The following EFCAB13 variants were observed in gnomAD, a reference collection of about 807,000 sequenced individuals.
The protein encoded by EFCAB13 is EF-hand calcium-binding domain-containing protein 13.
Under a neutral mutation model 110.2 loss-of-function variants are expected in EFCAB13, and 91 were observed. The observed-to-expected ratio is 0.83, with a 90% CI of 0.70 to 0.98. The LOEUF is 0.98. Ranked by LOEUF, EFCAB13 falls within the 50% of genes least tolerant of loss-of-function variation. The pLI is 0.00. For missense variants in EFCAB13, 968 were observed against 1,119.4 expected (o/e 0.86, Z 1.93); for synonymous variants, 323 against 369.9 (o/e 0.87, Z 1.45).
chr17:47,438,367 C>T (rs1226671803), intron 24 of EFCAB13, among the ~76,000 whole-genome samples: 5 of 152,140 alleles, frequency 3.3e-5, no homozygotes, highest in South Asian at 2.1e-4. Context: ...AAGTTTTCCT[C>T]GATTATTCCC....
intron 24 of EFCAB13, among the ~76,000 whole-genome samples, chr17:47,440,098 G>A (rs1410021489): frequency 6.6e-6 from 1 of 151,996 alleles, no homozygotes; most frequent in Non-Finnish European, 1.5e-5. Flanking sequence ...AGGGTTTTAT[G>A]CATGGGAATA....
intron 10 of EFCAB13, among the ~76,000 whole-genome samples, chr17:47,365,161 T>A (rs1185975341): frequency 6.6e-6 from 1 of 152,226 alleles, no homozygotes; most frequent in Non-Finnish European, 1.5e-5. Context: ...GAGCATCAGG[T>A]GAGCAGATAT....
At chr17:47,357,526 T>C (rs1289559717) in intron 9 of EFCAB13, among the ~76,000 whole-genome samples, 1 of 152,202 alleles carries the variant, frequency 6.6e-6, no homozygotes, top group Non-Finnish European at 1.5e-5. Context: ...GCAATTCTCC[T>C]GCCTCAGCCT....
intron 17 of EFCAB13, among the ~76,000 whole-genome samples, chr17:47,397,631 C>A (rs4968320): frequency 0.46 from 68,170 of 149,414 alleles, 15,906 homozygotes; most frequent in Non-Finnish European, 0.48. Context: ...GGCCGCCCAT[C>A]GTCTGAGATG....
intron 23 of EFCAB13, among the ~76,000 whole-genome samples, chr17:47,421,594 C>G (rs1904712171): frequency 6.8e-6 from 1 of 146,506 alleles, no homozygotes; most frequent in Admixed American, 7.0e-5. Flanking sequence ...GCCAAATCCC[C>G]CTCTGCGAGA....
At chr17:47,416,535 T>C (rs1904452339) in intron 23 of EFCAB13, among the ~76,000 whole-genome samples, 1 of 152,200 alleles carries the variant, frequency 6.6e-6, no homozygotes, top group Admixed American at 6.5e-5. Context: ...ATCACCCAGG[T>C]ACTGAGGATA....
intron 23 of EFCAB13, among the ~76,000 whole-genome samples, chr17:47,418,982 T>G (rs184303192): frequency 6.6e-6 from 1 of 152,340 alleles, no homozygotes; most frequent in Non-Finnish European, 1.5e-5. Flanking sequence ...AAACAGTAAT[T>G]TTTAACCAGA....
intron 4 of EFCAB13, chr17:47,329,164 A>G (rs927831530): frequency 3.3e-5 from 5 of 152,184 alleles, no homozygotes; most frequent in Admixed American, 6.5e-5. Context: ...TTTATGACGC[A>G]AAGAAAGGGA....
chr17:47,328,543 T>A (rs143962371), intron 4 of EFCAB13, among the ~76,000 whole-genome samples, 160 bp downstream of exon 4: 186 of 152,298 alleles, frequency 1.2e-3, no homozygotes, highest in African/African-American at 4.3e-3. Context: ...TTAGTGAACA[T>A]GTATTGAACT....
At chr17:47,325,030 C>CCCCTTTTGTT (rs1187065378) in intron 2 of EFCAB13, among the ~76,000 whole-genome samples, 1 of 116,718 alleles carries the variant, frequency 8.6e-6, no homozygotes, top group African/African-American at 3.1e-5. Flanking sequence ...CCCCACCCCC[C>CCCCTTTTGTT]TTTTTTTTTT....
At chr17:47,365,198 T>G (rs1216007044) in intron 10 of EFCAB13, among the ~76,000 whole-genome samples, 1 of 152,228 alleles carries the variant, frequency 6.6e-6, no homozygotes, top group Non-Finnish European at 1.5e-5. Context: ...TAATATTGTA[T>G]CTTCAGTACC....
chr17:47,366,620 G>A (rs2065547861), intron 10 of EFCAB13, among the ~76,000 whole-genome samples: 1 of 152,096 alleles, frequency 6.6e-6, no homozygotes, highest in Admixed American at 6.6e-5. Context: ...GGAAATAAGT[G>A]ATACCTATGA....
intron 14 of EFCAB13, among the ~76,000 whole-genome samples, chr17:47,384,326 T>A (rs2065664266): frequency 1.3e-5 from 2 of 152,138 alleles, no homozygotes; most frequent in African/African-American, 4.8e-5. Flanking sequence ...GTTAATATTG[T>A]TCTATGTTAA....
intron 20 of EFCAB13, 49 bp downstream of exon 20, chr17:47,404,682 T>C (rs972911378): frequency 2.1e-6 from 3 of 1,410,650 alleles, no homozygotes; most frequent in Admixed American, 1.9e-5. Context: ...ACAGAACTTA[T>C]TCAAAGTTCA....
chr17:47,342,140 T>C (rs1009059427), intron 6 of EFCAB13, 108 bp downstream of exon 6: 5 of 624,112 alleles, frequency 8.0e-6, no homozygotes, highest in African/African-American at 2.0e-5. Flanking sequence ...CAGTCTTAAA[T>C]ATCACTACCT....
Position 47,404,640 on chromosome 17 carries a change from GC to G in EFCAB13, c.2233+8del. On this transcript the variant is annotated splice_region_variant and intron_variant, in intron 20 of 24. Coordinates refer to ENST00000331493, the MANE Select transcript of EFCAB13 (RefSeq NM_152347.5). ...AAATTTTCCAATTATATTGGTAAGA[GC>G]TTTATGGTAATACTGTTAGAAGGCA... The G allele has an allele frequency of 6.2e-7, 1 of 1,601,206 alleles. No individual in the cohort carries two copies. Among genetic ancestry groups the G allele is most frequent in the Non-Finnish European group, 8.6e-7 (1 of 1,169,356 alleles).
intron 23 of EFCAB13, among the ~76,000 whole-genome samples, chr17:47,427,575 A>G (rs1598767007): frequency 1.3e-5 from 2 of 152,028 alleles, no homozygotes; most frequent in South Asian, 4.1e-4. Flanking sequence ...GCTTCTATAG[A>G]AGTTGTAAGA....
intron 9 of EFCAB13, among the ~76,000 whole-genome samples, chr17:47,356,938 C>T (rs1007939928): frequency 6.6e-6 from 1 of 152,152 alleles, no homozygotes; most frequent in South Asian, 2.1e-4. Flanking sequence ...GGTTCCCAGG[C>T]CAATGGAGTT....
intron 9 of EFCAB13, among the ~76,000 whole-genome samples, chr17:47,358,558 C>T (rs2143309554): frequency 6.6e-6 from 1 of 152,192 alleles, no homozygotes; most frequent in East Asian, 1.9e-4. Context: ...CATATTCTGG[C>T]TATTAATCCT....
Sources: gnomAD v4.1 joint callset for allele counts (sites outside exome capture counted in the v4.1 genomes callset) on GRCh38, gnomAD v4.1.1 for gene constraint, MANE v1.5 for transcripts, NCBI Gene and HGNC (gene_info 2026-07-23, HGNC 2026-07-21) for gene names.